KAZN: variants seen among roughly 807,000 people sequenced by gnomAD.
The protein encoded by KAZN is kazrin, periplakin interacting protein.
Under a neutral mutation model 87.4 loss-of-function variants are expected in KAZN, and 40 were observed. The observed-to-expected ratio is 0.46, with a 90% CI of 0.36 to 0.60. KAZN has a LOEUF of 0.60. KAZN is among the 20% of genes least tolerant of loss of function. The pLI is 0.00. For missense variants in KAZN, 898 were observed against 1,073.9 expected, an observed-to-expected ratio of 0.84 and a Z score of 2.29; for synonymous variants, 466 against 458.3, an observed-to-expected ratio of 1.02 and a Z score of -0.22.
intron 2 of KAZN, among the ~76,000 whole-genome samples, chr1:14,371,390 A>G (rs981353780): frequency 9.9e-5 from 15 of 152,214 alleles, no homozygotes; most frequent in East Asian, 9.6e-4. Flanking sequence ...AATGGAGACC[A>G]TGCTTTTAGG....
At chr1:15,082,639 G>A (rs1342806467) in intron 8 of KAZN, among the ~76,000 whole-genome samples, 2 of 152,192 alleles carry the variant, frequency 1.3e-5, no homozygotes, top group Admixed American at 1.3e-4. Flanking sequence ...CATGCAGGGT[G>A]GGCATAGGAG....
At position 14,811,251 on chromosome 1, in the gene KAZN, T is replaced by A. The variant is rs188133621; in HGVS notation, c.227-149433T>A. On this transcript the variant is annotated intron_variant, in intron 1 of 14. Coordinates refer to ENST00000376030, the MANE Select transcript of KAZN (RefSeq NM_201628.3). ...CGTCAGCTTTCTCTTGTGGTATTTA[T>A]GTGTTTATATAACACAGTTCATTGT... is the stretch of plus-strand genomic sequence containing the variant. Among the ~76,000 whole-genome samples the A allele has an allele frequency of 7.8e-4, 113 of 144,920 alleles. 1 individual carries two copies. Among genetic ancestry groups the A allele is most frequent in the African/African-American group, 2.9e-3 (109 of 37,750 alleles).
chr1:14,176,277 C>T (rs1180394681), intron 1 of KAZN, among the ~76,000 whole-genome samples: 1 of 152,106 alleles, frequency 6.6e-6, no homozygotes. Flanking sequence ...TCTCTCTGGC[C>T]GTTTCTGGAC....
chr1:14,952,029 G>A (rs1662545702), intron 1 of KAZN, among the ~76,000 whole-genome samples: 1 of 152,168 alleles, frequency 6.6e-6, no homozygotes, highest in Non-Finnish European at 1.5e-5. Flanking sequence ...GCCTCAGGCG[G>A]GGACCACCGC....
chr1:15,044,290 G>A (rs888569012), intron 4 of KAZN, 131 bp downstream of exon 4: 3 of 960,534 alleles, frequency 3.1e-6, no homozygotes, highest in East Asian at 5.7e-5. Context: ...ACACAAGCAG[G>A]GGGCAGGGCC....
chr1:14,229,243 TAA>T (rs919088233), intron 2 of KAZN, among the ~76,000 whole-genome samples: 5 of 152,192 alleles, frequency 3.3e-5, no homozygotes, highest in African/African-American at 1.2e-4. Context: ...TTAGCTCTCT[TAA>T]AAAACAAAAC....
chr1:14,383,176 T>C (rs1174333088), intron 2 of KAZN, among the ~76,000 whole-genome samples: 1 of 152,190 alleles, frequency 6.6e-6, no homozygotes, highest in African/African-American at 2.4e-5. Context: ...GTTTTTTTCC[T>C]GTAAATTTGT....
At chr1:14,863,021 G>A (rs1333689679) in intron 1 of KAZN, among the ~76,000 whole-genome samples, 9 of 152,168 alleles carry the variant, frequency 5.9e-5, no homozygotes. Context: ...CCATTCTGTT[G>A]CTCCCGTGGT....
chr1:14,950,927 A>G (rs765980534), intron 1 of KAZN, among the ~76,000 whole-genome samples: 1 of 152,118 alleles, frequency 6.6e-6, no homozygotes, highest in Non-Finnish European at 1.5e-5. Context: ...AGCAGTACCC[A>G]CAGGAGAAAG....
chr1:15,041,680 C>T (rs1046484711), intron 3 of KAZN, among the ~76,000 whole-genome samples: 1 of 152,030 alleles, frequency 6.6e-6, no homozygotes, highest in Non-Finnish European at 1.5e-5. Flanking sequence ...TGCTGGCAGC[C>T]CCAAAGAACC....
intron 2 of KAZN, among the ~76,000 whole-genome samples, chr1:14,556,090 C>T (rs1447216244): frequency 1.3e-5 from 2 of 150,698 alleles, no homozygotes; most frequent in Non-Finnish European, 2.9e-5. Flanking sequence ...AGGCTCTTTT[C>T]GGGAGAAGAG....
At chr1:14,754,925 C>T (rs974740488) in intron 1 of KAZN, among the ~76,000 whole-genome samples, 4 of 151,912 alleles carry the variant, frequency 2.6e-5, no homozygotes, top group East Asian at 1.9e-4. Flanking sequence ...ATGGATTTTC[C>T]GGATTGAAAA....
At chr1:15,070,351 A>G (rs1639451160) in intron 8 of KAZN, among the ~76,000 whole-genome samples, 1 of 152,226 alleles carries the variant, frequency 6.6e-6, no homozygotes, top group South Asian at 2.1e-4. Context: ...CGGGGGAATC[A>G]GAGCAGAAAC....
At chr1:14,962,643 C>A (rs1664016562) in intron 2 of KAZN, among the ~76,000 whole-genome samples, 1 of 152,148 alleles carries the variant, frequency 6.6e-6, no homozygotes, top group Non-Finnish European at 1.5e-5. Flanking sequence ...TCTTGCCAAG[C>A]TTTATCATGT....
intron 1 of KAZN, among the ~76,000 whole-genome samples, chr1:14,056,338 C>A (rs1433457588): frequency 6.6e-6 from 1 of 152,120 alleles, no homozygotes; most frequent in Non-Finnish European, 1.5e-5. Context: ...ATGATGAAGG[C>A]AGAAGGATTA....
intron 2 of KAZN, among the ~76,000 whole-genome samples, chr1:14,381,111 A>C (rs969751291): frequency 6.6e-6 from 1 of 152,160 alleles, no homozygotes. Flanking sequence ...CCACTGGAGC[A>C]CCCAGGTATG....
chr1:14,191,976 T>A (rs1456282061), intron 2 of KAZN, among the ~76,000 whole-genome samples: 2 of 152,114 alleles, frequency 1.3e-5, no homozygotes, highest in Non-Finnish European at 1.5e-5. Flanking sequence ...GCCACCAGCA[T>A]CTTACTCCTA....
chr1:14,005,781 C>G (rs919552492), intron 1 of KAZN, among the ~76,000 whole-genome samples: 1 of 152,172 alleles, frequency 6.6e-6, no homozygotes, highest in African/African-American at 2.4e-5. Context: ...CAATGGGGCT[C>G]TTCAGATTCA....
chr1:14,044,219 G>A (rs778942468), intron 1 of KAZN, among the ~76,000 whole-genome samples: 3 of 151,750 alleles, frequency 2.0e-5, no homozygotes, highest in Non-Finnish European at 2.9e-5. Context: ...TTTATTTTTG[G>A]GGTCATCAAA....
Sources: gnomAD v4.1 joint callset for allele counts (sites outside exome capture counted in the v4.1 genomes callset) on GRCh38, gnomAD v4.1.1 for gene constraint, MANE v1.5 for transcripts, NCBI Gene and HGNC (gene_info 2026-07-23, HGNC 2026-07-21) for gene names.